The following ATP2C1 variants were observed in gnomAD, a reference collection of about 807,000 sequenced individuals.
ATP2C1 encodes the protein calcium-transporting ATPase type 2C member 1.
Under a neutral mutation model 120.5 loss-of-function variants are expected in ATP2C1, and 31 were observed. That is an observed-to-expected ratio of 0.26 (90% CI 0.19 to 0.35). The LOEUF is 0.35. ATP2C1 is among the 10% of genes least tolerant of loss of function. The probability of loss-of-function intolerance (pLI) is 1.00; values close to 1 mark genes in which losing one functional copy is unlikely to be tolerated. For synonymous variants in ATP2C1, 351 were observed against 358.7 expected (o/e 0.98, Z 0.24); for missense variants, 731 against 1,107.5 (o/e 0.66, Z 4.83).
intron 4 of ATP2C1, among the ~76,000 whole-genome samples, chr3:130,933,018 T>C (rs1357397920): frequency 6.6e-6 from 1 of 152,202 alleles, no homozygotes; most frequent in African/African-American, 2.4e-5. Flanking sequence ...TTTTCATACT[T>C]ACCACATTCC....
intron 1 of ATP2C1, chr3:130,868,295 G>A (rs1374038095): frequency 1.5e-5 from 2 of 137,822 alleles, no homozygotes; most frequent in Non-Finnish European, 3.1e-5. Flanking sequence ...GGGAGGTGAG[G>A]GGCTCCTCTG....
At chr3:130,869,446 A>AAAAT (rs2068352463) in intron 1 of ATP2C1, 1 of 85,084 alleles carries the variant, frequency 1.2e-5, no homozygotes, top group African/African-American at 3.4e-5. Flanking sequence ...AAAAAAAAAA[A>AAAAT]AAAAAAAAAA....
Position 130,856,772 on chromosome 3 carries a change from C to T in ATP2C1, c.108+5844C>T, listed in dbSNP as rs139563418. ...CTGCATGTTGACCTTGCCCCCTGTG[C>T]TTGTGCTTGAGTAGAAAAAATTTCA... is the stretch of plus-strand genomic sequence containing the variant. On this transcript the variant is annotated intron_variant, in intron 1 of 26. Coordinates refer to the ATP2C1 transcript ENST00000504381. Among the ~76,000 whole-genome samples, 31 of 152,256 alleles carry T rather than the reference C, an allele frequency of 2.0e-4. 1 individual carries two copies. Among genetic ancestry groups the T allele is most frequent in the Admixed American group, 4.6e-4 (7 of 15,284 alleles).
At chr3:130,931,841 C>T (rs768108326) in intron 3 of ATP2C1, among the ~76,000 whole-genome samples, 181 bp from the exon 4 acceptor site, 1 of 152,006 alleles carries the variant, frequency 6.6e-6, no homozygotes, top group Non-Finnish European at 1.5e-5. Flanking sequence ...TGTAATTAAT[C>T]CCTCCCTCTC....
At chr3:130,933,043 C>T (rs2059516053) in intron 4 of ATP2C1, among the ~76,000 whole-genome samples, 1 of 152,140 alleles carries the variant, frequency 6.6e-6, no homozygotes. Context: ...TTACCAAAGA[C>T]TTCAGAAAGC....
At chr3:130,875,030 CAG>C (rs1336550293) in intron 1 of ATP2C1, among the ~76,000 whole-genome samples, 9 of 152,148 alleles carry the variant, frequency 5.9e-5, no homozygotes, top group Admixed American at 5.9e-4. Context: ...TTATGCAACA[CAG>C]AATGATATTT....
At chr3:130,873,657 G>T (rs1386927375) in intron 1 of ATP2C1, among the ~76,000 whole-genome samples, 2 of 152,068 alleles carry the variant, frequency 1.3e-5, no homozygotes, top group African/African-American at 4.8e-5. Flanking sequence ...AATTGTGTCT[G>T]CTAATAGAAA....
chr3:131,000,008 C>G (rs1385945839), intron 27 of ATP2C1, among the ~76,000 whole-genome samples: 1 of 152,144 alleles, frequency 6.6e-6, no homozygotes, highest in East Asian at 1.9e-4. Flanking sequence ...AACCAAGTTG[C>G]TCTCTTCTTT....
chr3:130,893,673 A>G (rs897194169), upstream of ATP2C1, among the ~76,000 whole-genome samples: 2 of 152,230 alleles, frequency 1.3e-5, no homozygotes, highest in African/African-American at 4.8e-5. Context: ...CGCCTCGGGG[A>G]CAGCGGCCAT....
Position 130,913,669 on chromosome 3 carries a change from G to A in ATP2C1, c.7-16747G>A, listed in dbSNP as rs960285056. Among the ~76,000 whole-genome samples the A allele has an allele frequency of 7.6e-4, 116 of 152,184 alleles. 1 individual carries two copies. Among genetic ancestry groups the A allele is most frequent in the African/African-American group, 2.7e-3 (114 of 41,540 alleles). Reference sequence around the variant, plus strand: ...AGGTGGAAGGATGAAAAGATTCTTTGCACTAAGTTTGCTTTTGGTTAAAAA... The same window carrying A: ...AGGTGGAAGGATGAAAAGATTCTTTACACTAAGTTTGCTTTTGGTTAAAAA... On this transcript the variant is annotated intron_variant, in intron 2 of 27. Coordinates refer to ENST00000510168, the MANE Select transcript of ATP2C1 (RefSeq NM_001378687.1).
chr3:130,955,189 A>T (rs1170901379), intron 10 of ATP2C1, 109 bp downstream of exon 10: 6 of 787,870 alleles, frequency 7.6e-6, no homozygotes, highest in Admixed American at 4.1e-5. Context: ...TATTTTATTC[A>T]GAATGGAAAT....
intron 7 of ATP2C1, 121 bp downstream of exon 7, chr3:130,940,812 A>G (rs2059857799): frequency 1.2e-6 from 1 of 801,984 alleles, no homozygotes; most frequent in Admixed American, 2.1e-5. Context: ...TATTAATCTG[A>G]CACAAAAAGT....
intron 20 of ATP2C1, among the ~76,000 whole-genome samples, chr3:130,989,899 A>G (rs1275378345): frequency 6.6e-6 from 1 of 152,162 alleles, no homozygotes; most frequent in African/African-American, 2.4e-5. Context: ...TTTTGGATAT[A>G]TGTGTAACTC....
chr3:130,909,646 C>T (rs1200939458), intron 2 of ATP2C1, among the ~76,000 whole-genome samples: 2 of 152,180 alleles, frequency 1.3e-5, no homozygotes, highest in East Asian at 1.9e-4. Flanking sequence ...CTCATTGACT[C>T]GCTTGGACTA....
chr3:130,990,923 G>T (rs2062305531), intron 20 of ATP2C1, among the ~76,000 whole-genome samples: 1 of 152,204 alleles, frequency 6.6e-6, no homozygotes, highest in Non-Finnish European at 1.5e-5. Flanking sequence ...GAGCAAGATT[G>T]AGACATCTAA....
chr3:130,935,281 C>A (rs1403045718), intron 5 of ATP2C1, among the ~76,000 whole-genome samples: 1 of 152,104 alleles, frequency 6.6e-6, no homozygotes, highest in Non-Finnish European at 1.5e-5. Flanking sequence ...TTTCACTTTG[C>A]AGTTGAGAAT....
chr3:130,862,150 T>TTTTTTTGTA (rs2068035124), intron 1 of ATP2C1, among the ~76,000 whole-genome samples: 1 of 150,484 alleles, frequency 6.6e-6, no homozygotes, highest in Non-Finnish European at 1.5e-5. Flanking sequence ...ATTTTTTTTT[T>TTTTTTTGTA]TTTTTTGTAT....
At chr3:130,995,284 G>A (rs2062558268) in intron 22 of ATP2C1, among the ~76,000 whole-genome samples, 2 of 152,034 alleles carry the variant, frequency 1.3e-5, no homozygotes, top group African/African-American at 4.8e-5. Context: ...GAGTGGTGAT[G>A]TGAGCCTGTG....
chr3:130,997,035 A>G (rs891078268), intron 24 of ATP2C1, among the ~76,000 whole-genome samples: 2 of 152,056 alleles, frequency 1.3e-5, no homozygotes, highest in East Asian at 3.9e-4. Flanking sequence ...TAGATCAGGA[A>G]TAGGTGCTAT....
Sources: gnomAD v4.1 joint callset for allele counts (sites outside exome capture counted in the v4.1 genomes callset) on GRCh38, gnomAD v4.1.1 for gene constraint, MANE v1.5 for transcripts, NCBI Gene and HGNC (gene_info 2026-07-23, HGNC 2026-07-21) for gene names.